Variants in CNTNAP2 observed in about 807,000 individuals in gnomAD.
CNTNAP2 encodes the protein contactin associated protein 2.
In CNTNAP2, 98 loss-of-function variants were observed where a neutral mutation model predicts 155.2. That is an observed-to-expected ratio of 0.63 (90% CI 0.54 to 0.75). CNTNAP2 has a LOEUF of 0.75. CNTNAP2 is among the 30% of genes least tolerant of loss of function. The pLI is 0.00. For missense variants in CNTNAP2, 1,727 were observed against 1,688.1 expected, an observed-to-expected ratio of 1.02 and a Z score of -0.40; for synonymous variants, 651 against 631.2, an observed-to-expected ratio of 1.03 and a Z score of -0.47.
intron 20 of CNTNAP2, among the ~76,000 whole-genome samples, chr7:148,265,695 A>G (rs531401308): frequency 6.6e-6 from 1 of 152,268 alleles, no homozygotes; most frequent in South Asian, 2.1e-4. Context: ...TGGCAATACT[A>G]CTCATGCACA....
In CNTNAP2 at chr7:146,856,297, G is replaced by GATAGATACATAC. The variant is rs869052895; in HGVS notation, c.402+16396_402+16397insGATACATACATA. Among the ~76,000 whole-genome samples the GATAGATACATAC allele has an allele frequency of 3.7e-3, 429 of 116,650 alleles. 3 individuals are homozygous for GATAGATACATAC. Among genetic ancestry groups the GATAGATACATAC allele is most frequent in the Middle Eastern group, 9.2e-3 (2 of 218 alleles). The allele number at this position is 116,650 out of a possible 152,430, so 76.5% of individuals were successfully genotyped here. A position where few individuals can be genotyped will look rare whatever the true frequency, so the allele number is the denominator to read the frequency against. ...AGATAGATAGATAGATAGATAGATA[G>GATAGATACATAC]ATACATACATACATACATACATACA... On this transcript the variant is annotated intron_variant, in intron 3 of 23. Coordinates refer to ENST00000361727, the MANE Select transcript of CNTNAP2 (RefSeq NM_014141.6).
At chr7:146,620,347 G>A (rs1318787251) in intron 1 of CNTNAP2, among the ~76,000 whole-genome samples, 1 of 152,096 alleles carries the variant, frequency 6.6e-6, no homozygotes, top group Non-Finnish European at 1.5e-5. Flanking sequence ...CAAAAAGTTG[G>A]GTTCCTGCCA....
chr7:146,281,527 T>G (rs1800251255), intron 1 of CNTNAP2, among the ~76,000 whole-genome samples: 1 of 152,212 alleles, frequency 6.6e-6, no homozygotes, highest in South Asian at 2.1e-4. Flanking sequence ...CTGGGCGCAG[T>G]GGCTCACGCC....
At chr7:148,243,621 T>G (rs2116802715) in intron 20 of CNTNAP2, among the ~76,000 whole-genome samples, 1 of 151,892 alleles carries the variant, frequency 6.6e-6, no homozygotes, top group African/African-American at 2.4e-5. Context: ...TCAGATCTCG[T>G]GAGACTTATT....
At chr7:146,627,012 G>C (rs534531626) in intron 1 of CNTNAP2, among the ~76,000 whole-genome samples, 1 of 152,222 alleles carries the variant, frequency 6.6e-6, no homozygotes, top group Admixed American at 6.6e-5. Flanking sequence ...CCAAGACTGG[G>C]AAGAAAAAGA....
At chr7:147,139,669 G>T (rs144546925) in intron 8 of CNTNAP2, among the ~76,000 whole-genome samples, 1 of 151,964 alleles carries the variant, frequency 6.6e-6, no homozygotes, top group African/African-American at 2.4e-5. Context: ...TCTGTTGCTT[G>T]GTTGTAACTA....
intron 13 of CNTNAP2, among the ~76,000 whole-genome samples, chr7:147,811,737 T>A (rs6464840): frequency 0.16 from 24,687 of 152,118 alleles, 2,306 homozygotes; most frequent in East Asian, 0.24. Flanking sequence ...TTTACTCGCA[T>A]TCTTGACCCA....
At chr7:148,003,301 T>A (rs1260306511) in intron 15 of CNTNAP2, among the ~76,000 whole-genome samples, 1 of 152,212 alleles carries the variant, frequency 6.6e-6, no homozygotes, top group Non-Finnish European at 1.5e-5. Context: ...GGGATAGATA[T>A]GCTTCCAAGG....
At chr7:146,137,401 T>G (rs903862914) in intron 1 of CNTNAP2, among the ~76,000 whole-genome samples, 1 of 152,198 alleles carries the variant, frequency 6.6e-6, no homozygotes, top group Admixed American at 6.6e-5. Context: ...CTGTTTCATC[T>G]GTCCTTAAAA....
chr7:146,200,447 T>A (rs927705882), intron 1 of CNTNAP2, among the ~76,000 whole-genome samples: 2 of 151,770 alleles, frequency 1.3e-5, no homozygotes, highest in African/African-American at 2.4e-5. Flanking sequence ...TGAGCTGAGA[T>A]TGCACCACTG....
At chr7:147,368,316 C>A (rs1796280025) in intron 9 of CNTNAP2, among the ~76,000 whole-genome samples, 1 of 151,872 alleles carries the variant, frequency 6.6e-6, no homozygotes, top group Non-Finnish European at 1.5e-5. Context: ...AGGTAGAGGA[C>A]AATTGAGTAG....
chr7:147,197,175 C>T (rs906636687), intron 8 of CNTNAP2, among the ~76,000 whole-genome samples: 2 of 152,074 alleles, frequency 1.3e-5, no homozygotes, highest in African/African-American at 2.4e-5. Flanking sequence ...ACTTCAGCCT[C>T]TGATTGGTTG....
chr7:146,587,432 T>C (rs1020242779), intron 1 of CNTNAP2, among the ~76,000 whole-genome samples: 1 of 152,116 alleles, frequency 6.6e-6, no homozygotes, highest in Non-Finnish European at 1.5e-5. Context: ...AAGTCTAATT[T>C]TTAAAGACTA....
At chr7:148,229,614 C>A (rs776690378) in intron 19 of CNTNAP2, 32 bp from the exon 20 acceptor site, 2 of 1,613,664 alleles carry the variant, frequency 1.2e-6, no homozygotes, top group Non-Finnish European at 8.5e-7. Context: ...TTAGGGCAAA[C>A]AAATTACTGA....
intron 13 of CNTNAP2, among the ~76,000 whole-genome samples, chr7:147,714,003 C>A (rs1796445507): frequency 6.6e-6 from 1 of 152,104 alleles, no homozygotes; most frequent in African/African-American, 2.4e-5. Context: ...CTCTCTTTTG[C>A]ATGCCATTTG....
Position 146,980,370 on chromosome 7 carries a change from T to C in CNTNAP2, c.403-63537T>C, listed in dbSNP as rs983299068. Among the ~76,000 whole-genome samples the C allele has an allele frequency of 2.0e-5, 3 of 152,190 alleles. No individual in the cohort carries two copies. The South Asian group carries it at 6.2e-4, about 32-fold the overall frequency. ...GCTGCTGTAACACATAAGTCCTTGA[T>C]TGACAATGGTTTGCCCAGTGGAAGG... is the stretch of plus-strand genomic sequence containing the variant. On this transcript the variant is annotated intron_variant, in intron 3 of 23. Coordinates refer to ENST00000361727, the MANE Select transcript of CNTNAP2 (RefSeq NM_014141.6).
At chr7:147,333,562 T>G (rs1235671016) in intron 9 of CNTNAP2, among the ~76,000 whole-genome samples, 1 of 152,172 alleles carries the variant, frequency 6.6e-6, no homozygotes, top group Non-Finnish European at 1.5e-5. Flanking sequence ...AAATTTTACT[T>G]AAATTTTTGA....
At chr7:147,614,803 C>T (rs993247412) in intron 12 of CNTNAP2, among the ~76,000 whole-genome samples, 3 of 151,012 alleles carry the variant, frequency 2.0e-5, no homozygotes, top group African/African-American at 7.3e-5. Context: ...AGGGGAATTA[C>T]AATTTATTCC....
chr7:147,049,228 G>T (rs766643235), intron 4 of CNTNAP2, among the ~76,000 whole-genome samples: 1 of 152,050 alleles, frequency 6.6e-6, no homozygotes, highest in Non-Finnish European at 1.5e-5. Flanking sequence ...ATACCACAGC[G>T]TACACCAAAT....
Sources: allele counts gnomAD v4.1 joint callset (sites outside exome capture counted in the v4.1 genomes callset), GRCh38; gene constraint gnomAD v4.1.1; transcripts MANE v1.5; gene names NCBI Gene and HGNC (gene_info 2026-07-23, HGNC 2026-07-21).